The following NDUFAF7 variants were observed in gnomAD, a reference collection of about 807,000 sequenced individuals.
NDUFAF7 encodes NADH:ubiquinone oxidoreductase complex assembly factor 7.
Under a neutral mutation model 47.2 loss-of-function variants are expected in NDUFAF7, and 48 were observed. The ratio of observed to expected loss-of-function variants is 1.02; its 90% CI spans 0.81 to 1.29. The LOEUF is 1.29. NDUFAF7 is among the 50% of genes most tolerant of loss of function. NDUFAF7 has a pLI of 0.00. For missense variants in NDUFAF7, 635 were observed against 537.6 expected (o/e 1.18, Z -1.79); for synonymous variants, 217 against 190.0 (o/e 1.14, Z -1.17).
chr2:37,265,834 C>CTG, the NDUFAF7 span, among the ~76,000 whole-genome samples: 1 of 152,108 alleles, frequency 6.6e-6, no homozygotes, highest in East Asian at 1.9e-4. Flanking sequence ...GTTTTTCATA[C>CTG]TGTGCATTAC....
chr2:37,251,101 G>C (rs893167923), downstream of NDUFAF7: 1 of 152,586 alleles, frequency 6.6e-6, no homozygotes, highest in Non-Finnish European at 1.5e-5. Context: ...TGATTGCCTA[G>C]TGACTCAGAA....
In NDUFAF7 at chr2:37,233,100, G is replaced by C. The variant is rs1665357816; in HGVS notation, c.216+834G>C. On this transcript the variant is annotated intron_variant, in intron 2 of 9. Coordinates refer to ENST00000002125, the MANE Select transcript of NDUFAF7 (RefSeq NM_144736.5). ...GAAATAGAAGAGGGTGATTTAGAAA[G>C]GGACTGACAGGATTTGCCGATGGAT... Among the ~76,000 whole-genome samples, 3 of 152,204 alleles carry C rather than the reference G, an allele frequency of 2.0e-5. No homozygotes were observed. The South Asian group carries it at 6.2e-4, about 32-fold the overall frequency.
rs1400134686 is a variant in NDUFAF7, at chr2:37,239,700, A to G, written c.408+1833A>G. The stretch of plus-strand genomic sequence containing the variant: ...GCGTGAAATCACAGTGGAATATAAC[A>G]GTGTTCAACATGAAACAAGATGTGT... On this transcript the variant is annotated intron_variant, in intron 4 of 9. Transcript: ENST00000002125. Among the ~76,000 whole-genome samples the G allele has an allele frequency of 3.3e-5, 5 of 152,194 alleles. No individual in the cohort carries two copies. In the East Asian group the frequency reaches 5.8e-4, roughly 18 times the overall value.
intron 4 of NDUFAF7, 90 bp downstream of exon 4, chr2:37,237,957 G>A: frequency 2.3e-6 from 2 of 883,438 alleles, no homozygotes; most frequent in Non-Finnish European, 1.9e-6. Flanking sequence ...TTGGTTTTCA[G>A]TTCCTTAATT....
At chr2:37,254,150 C>G (rs1449564679), downstream of NDUFAF7, 1 of 1,330,118 alleles carries the variant, frequency 7.5e-7, no homozygotes, top group Non-Finnish European at 1.1e-6. Context: ...TGGGACAAAT[C>G]AGAGTGAACT....
At chr2:37,233,297 T>C (rs1665381818) in intron 2 of NDUFAF7, among the ~76,000 whole-genome samples, 1 of 152,188 alleles carries the variant, frequency 6.6e-6, no homozygotes, top group African/African-American at 2.4e-5. Flanking sequence ...AGCAGTGACA[T>C]GCAGGTGGAG....
chr2:37,236,107 G>A lies in NDUFAF7; in HGVS notation c.228G>A (p.Val76=). The change falls in exon 3 of 10, where the codon GTG becomes GTA. Residue 76 remains valine (V), a synonymous_variant. Transcript: ENST00000002125. ...VLTNPAKGYY[V]YRDMLGEKGD... The stretch of plus-strand genomic sequence containing the variant: ...CTCTTTTTACTCAGGGTTATTATGT[G>A]TACCGTGACATGCTAGGCGAAAAAG... 1.2e-6 allele frequency: 2 copies of A among 1,612,728 alleles called. No individual in the cohort carries two copies. The highest frequency in any genetic ancestry group is 1.7e-6 in the Non-Finnish European group (2 of 1,178,856).
downstream of NDUFAF7, chr2:37,251,758 A>G (rs1416733790): frequency 6.6e-6 from 1 of 152,120 alleles, no homozygotes; most frequent in African/African-American, 2.4e-5. Flanking sequence ...GATAATCTTC[A>G]TTTTACAGAC....
chr2:37,252,296 T>TGTAA (rs1667563447), downstream of NDUFAF7: 1 of 137,314 alleles, frequency 7.3e-6, no homozygotes, highest in African/African-American at 2.7e-5. Context: ...AGATAAATTG[T>TGTAA]GTAAAGCCGA....
chr2:37,253,086 C>T (rs553375427), downstream of NDUFAF7: 5 of 1,285,914 alleles, frequency 3.9e-6, no homozygotes, highest in Non-Finnish European at 5.4e-6. Flanking sequence ...ATCTTTGCAG[C>T]ACTGCAGATG....
chr2:37,270,383 T>G, the NDUFAF7 span, among the ~76,000 whole-genome samples: 1 of 149,758 alleles, frequency 6.7e-6, no homozygotes, highest in Non-Finnish European at 1.5e-5. Context: ...AAAGTTCATA[T>G]TACTGGGATT....
chr2:37,256,607 G>A, downstream of NDUFAF7: 2 of 1,446,190 alleles, frequency 1.4e-6, no homozygotes, highest in South Asian at 1.5e-5. Context: ...AAGATGTTTA[G>A]GCTTAAAACA....
At chr2:37,261,482 G>T in the NDUFAF7 span, among the ~76,000 whole-genome samples, 1 of 138,020 alleles carries the variant, frequency 7.2e-6, no homozygotes, top group Admixed American at 7.3e-5. Context: ...GCGAGACTTT[G>T]TCTCAAATAA....
At chr2:37,253,489 T>C, downstream of NDUFAF7, 3 of 570,636 alleles carry the variant, frequency 5.3e-6, no homozygotes, top group Non-Finnish European at 8.5e-6. Flanking sequence ...GTATCTACTA[T>C]GTACTAAGTT....
At chr2:37,242,571 A>C in intron 5 of NDUFAF7, 64 bp from the exon 6 acceptor site, 1 of 1,314,912 alleles carries the variant, frequency 7.6e-7, no homozygotes, top group South Asian at 1.2e-5. Flanking sequence ...TTTACAGTTA[A>C]TATTCAAAAG....
the NDUFAF7 span, chr2:37,269,736 T>A: frequency 2.0e-5 from 26 of 1,285,688 alleles, no homozygotes; most frequent in African/African-American, 3.6e-4. Flanking sequence ...TATAATACAA[T>A]GTCAACATCT....
intron 7 of NDUFAF7, among the ~76,000 whole-genome samples, 183 bp downstream of exon 7, chr2:37,244,156 A>T (rs927530021): frequency 6.6e-6 from 1 of 152,144 alleles, no homozygotes; most frequent in Non-Finnish European, 1.5e-5. Context: ...GGTTAAAATC[A>T]TTTCTTAAGT....
intron 9 of NDUFAF7, 80 bp downstream of exon 9, chr2:37,247,709 C>T: frequency 1.3e-6 from 2 of 1,495,744 alleles, no homozygotes; most frequent in Non-Finnish European, 1.9e-6. Context: ...GTTCACCTGG[C>T]CTTAATGCTC....
chr2:37,240,724 C>T (rs1480164379), intron 4 of NDUFAF7, among the ~76,000 whole-genome samples: 1 of 152,068 alleles, frequency 6.6e-6, no homozygotes, highest in Non-Finnish European at 1.5e-5. Context: ...GGATGCTTTT[C>T]CAGACTGAGT....
Sources: gnomAD v4.1 joint callset for allele counts (sites outside exome capture counted in the v4.1 genomes callset) on GRCh38, gnomAD v4.1.1 for gene constraint, MANE v1.5 for transcripts, NCBI Gene and HGNC (gene_info 2026-07-23, HGNC 2026-07-21) for gene names.